Variants in ARHGAP32 observed in about 807,000 individuals in gnomAD.
The protein encoded by ARHGAP32 is rho GTPase-activating protein 32.
ARHGAP32 carries 51 observed loss-of-function variants against 186.5 expected under a neutral mutation model. That is an observed-to-expected ratio of 0.27 (90% CI 0.22 to 0.35). The LOEUF (loss-of-function observed/expected upper bound fraction) is 0.35. ARHGAP32 is among the 10% of genes least tolerant of loss of function. The pLI is 1.00. For missense variants in ARHGAP32, 2,186 were observed against 2,623.5 expected (o/e 0.83, Z 3.64); for synonymous variants, 950 against 964.3 (o/e 0.99, Z 0.27).
At chr11:129,215,081 T>TTC (rs1216685952) in intron 1 of ARHGAP32, among the ~76,000 whole-genome samples, 1 of 152,074 alleles carries the variant, frequency 6.6e-6, no homozygotes, top group Non-Finnish European at 1.5e-5. Flanking sequence ...GTTAACAACT[T>TTC]TCTCTCCTCT....
intron 9 of ARHGAP32, among the ~76,000 whole-genome samples, chr11:129,062,967 A>T (rs1281403154): frequency 6.6e-6 from 1 of 152,144 alleles, no homozygotes; most frequent in African/African-American, 2.4e-5. Flanking sequence ...TAAAAGAAAA[A>T]CTACTGAGTT....
At chr11:129,027,998 G>C (rs10893949) in intron 11 of ARHGAP32, among the ~76,000 whole-genome samples, 41,634 of 152,002 alleles carry the variant, frequency 0.27, 6,190 homozygotes, top group Middle Eastern at 0.39. Context: ...ACTGATTAGG[G>C]GGCTACTCCC....
chr11:128,975,014 G>T lies in ARHGAP32; in HGVS notation c.2195-12C>A. 6.3e-7 allele frequency: 1 copy of T among 1,588,284 alleles called. No individual in the cohort carries two copies. Among genetic ancestry groups the T allele is most frequent in the South Asian group, 1.2e-5 (1 of 85,718 alleles). On this transcript the variant is annotated splice_polypyrimidine_tract_variant and intron_variant, in intron 20 of 22. Transcript: ENST00000682385. ...GAGCTTAGAATCACCTGGAAAAAAT[G>T]AATAACAGTGTCAAAGTAAGAACAT...
chr11:129,197,878 T>G (rs1350626806), intron 1 of ARHGAP32, among the ~76,000 whole-genome samples: 1 of 152,230 alleles, frequency 6.6e-6, no homozygotes, highest in African/African-American at 2.4e-5. Flanking sequence ...GGAACACTGA[T>G]GTATTCTGGA....
chr11:129,132,386 G>C (rs945391995), intron 2 of ARHGAP32, among the ~76,000 whole-genome samples: 1 of 152,032 alleles, frequency 6.6e-6, no homozygotes, highest in African/African-American at 2.4e-5. Flanking sequence ...GGGCTGAGGT[G>C]GGAGAATTGC....
At chr11:129,210,063 T>C (rs1286565431) in intron 1 of ARHGAP32, among the ~76,000 whole-genome samples, 1 of 152,178 alleles carries the variant, frequency 6.6e-6, no homozygotes, top group Non-Finnish European at 1.5e-5. Flanking sequence ...GAGGCTACCA[T>C]CTCTGAAATT....
intron 8 of ARHGAP32, 54 bp from the exon 9 acceptor site, chr11:129,064,078 C>CT: frequency 6.8e-7 from 1 of 1,465,334 alleles, no homozygotes; most frequent in Non-Finnish European, 9.1e-7. Flanking sequence ...GCAAATGCTT[C>CT]TTTGACTATC....
chr11:129,098,472 G>A (rs1941796485), intron 5 of ARHGAP32, among the ~76,000 whole-genome samples: 2 of 150,598 alleles, frequency 1.3e-5, no homozygotes, highest in African/African-American at 4.9e-5. Context: ...AGGCTGGAGT[G>A]CAGTGGCGCG....
chr11:129,225,892 A>G (rs544542967), intron 1 of ARHGAP32, among the ~76,000 whole-genome samples: 3 of 152,284 alleles, frequency 2.0e-5, no homozygotes, highest in African/African-American at 7.2e-5. Context: ...ATGATGCTTC[A>G]CCAAATAGAG....
chr11:129,173,889 T>TG (rs919725241), intron 1 of ARHGAP32, among the ~76,000 whole-genome samples: 3 of 152,000 alleles, frequency 2.0e-5, no homozygotes, highest in African/African-American at 4.8e-5. Flanking sequence ...CTTATTCACT[T>TG]GGGGAAAAAA....
chr11:129,270,324 GA>G (rs1281426539), intron 1 of ARHGAP32, among the ~76,000 whole-genome samples: 1 of 152,166 alleles, frequency 6.6e-6, no homozygotes, highest in Non-Finnish European at 1.5e-5. Context: ...CAAAAGTATG[GA>G]AACAGTAAAA....
At chr11:129,153,671 T>C (rs539053146) in intron 2 of ARHGAP32, among the ~76,000 whole-genome samples, 2 of 152,224 alleles carry the variant, frequency 1.3e-5, no homozygotes, top group East Asian at 1.9e-4. Flanking sequence ...GCTGGGATAA[T>C]TGGCAAGCCA....
intron 1 of ARHGAP32, among the ~76,000 whole-genome samples, chr11:129,245,656 AAATAATAATAATAATAATAATAAT>A (rs56047154): frequency 1.2e-4 from 17 of 146,250 alleles, no homozygotes; most frequent in African/African-American, 2.0e-4. Context: ...CAACAGATTA[AAATAATAATAATAATAATAATAAT>A]AATAATAATA....
chr11:129,201,867 C>T (rs941161393), intron 1 of ARHGAP32, among the ~76,000 whole-genome samples: 8 of 152,036 alleles, frequency 5.3e-5, no homozygotes, highest in African/African-American at 1.9e-4. Flanking sequence ...TCTGTAGACC[C>T]AGCTACTCAG....
intron 2 of ARHGAP32, among the ~76,000 whole-genome samples, chr11:129,150,472 AT>A (rs1245051278): frequency 6.6e-6 from 1 of 152,204 alleles, no homozygotes; most frequent in Non-Finnish European, 1.5e-5. Context: ...AGATAAAAGC[AT>A]CAAATAAGCT....
At chr11:128,982,161 C>T (rs967611135) in intron 15 of ARHGAP32, among the ~76,000 whole-genome samples, 1 of 152,098 alleles carries the variant, frequency 6.6e-6, no homozygotes, top group Admixed American at 6.5e-5. Flanking sequence ...TGAAGTTATG[C>T]CATTCTACTT....
At chr11:129,086,744 C>T (rs1411650371) in intron 6 of ARHGAP32, among the ~76,000 whole-genome samples, 1 of 150,868 alleles carries the variant, frequency 6.6e-6, no homozygotes, top group African/African-American at 2.4e-5. Context: ...TGGCGTGAAC[C>T]CGGGAGGCAG....
intron 1 of ARHGAP32, among the ~76,000 whole-genome samples, chr11:129,259,258 G>A (rs1003169502): frequency 6.6e-6 from 1 of 152,104 alleles, no homozygotes; most frequent in East Asian, 1.9e-4. Context: ...TGAATACTCA[G>A]CTCTTTCTAA....
intron 5 of ARHGAP32, among the ~76,000 whole-genome samples, chr11:129,112,473 T>TA (rs1167365607): frequency 2.6e-5 from 4 of 152,104 alleles, no homozygotes; most frequent in Non-Finnish European, 5.9e-5. Flanking sequence ...GTTTTTTTTT[T>TA]AAATTAGTTT....
Sources: allele counts gnomAD v4.1 joint callset (sites outside exome capture counted in the v4.1 genomes callset), GRCh38; gene constraint gnomAD v4.1.1; transcripts MANE v1.5; gene names NCBI Gene and HGNC (gene_info 2026-07-23, HGNC 2026-07-21).